The following MLIP variants were observed in gnomAD, a reference collection of about 807,000 sequenced individuals.
MLIP encodes muscular LMNA interacting protein, also known as muscular LMNA-interacting protein.
Under a neutral mutation model 84.8 loss-of-function variants are expected in MLIP, and 79 were observed. The observed-to-expected ratio is 0.93, with a 90% CI of 0.78 to 1.12. MLIP has a LOEUF of 1.12. Among genes scored for constraint, MLIP ranks in the 50% most tolerant of loss-of-function variants. The probability of loss-of-function intolerance (pLI) is 0.00; values close to 1 mark genes in which losing one functional copy is unlikely to be tolerated. For missense variants in MLIP, 1,257 were observed against 1,160.6 expected (o/e 1.08, Z -1.21); for synonymous variants, 504 against 463.0 (o/e 1.09, Z -1.14).
intron 1 of MLIP, among the ~76,000 whole-genome samples, chr6:54,055,493 T>C (rs1332819451): frequency 6.6e-6 from 1 of 152,142 alleles, no homozygotes; most frequent in Non-Finnish European, 1.5e-5. Context: ...GGGCACATAG[T>C]TAATTATTCA....
chr6:54,147,695 A>G (rs979544990), intron 4 of MLIP, among the ~76,000 whole-genome samples: 1 of 151,990 alleles, frequency 6.6e-6, no homozygotes, highest in African/African-American at 2.4e-5. Context: ...GTGTTTCTGA[A>G]TGATTGTGTG....
intron 8 of MLIP, among the ~76,000 whole-genome samples, chr6:54,164,668 T>C (rs887394544): frequency 1.3e-5 from 2 of 151,988 alleles, no homozygotes; most frequent in African/African-American, 2.4e-5. Context: ...TTTTCATGTG[T>C]TCTTATGCTT....
intron 5 of MLIP, among the ~76,000 whole-genome samples, chr6:54,159,023 T>A (rs1774341274): frequency 6.6e-6 from 1 of 152,050 alleles, no homozygotes; most frequent in Admixed American, 6.6e-5. Context: ...TCCAGCTTCC[T>A]GCCTCAGTCT....
At chr6:54,229,375 T>C (rs1322742460) in intron 11 of MLIP, among the ~76,000 whole-genome samples, 2 of 152,346 alleles carry the variant, frequency 1.3e-5, no homozygotes, top group African/African-American at 2.4e-5. Flanking sequence ...TTTCTTCAAC[T>C]TTTAAGTTCC....
chr6:54,240,559 C>G (rs1781667932), intron 12 of MLIP, among the ~76,000 whole-genome samples: 1 of 152,238 alleles, frequency 6.6e-6, no homozygotes. Flanking sequence ...ACATTTCACT[C>G]TCTTCCTGCG....
intron 1 of MLIP, among the ~76,000 whole-genome samples, chr6:54,058,296 C>T (rs1490433655): frequency 6.6e-6 from 1 of 152,080 alleles, no homozygotes; most frequent in Non-Finnish European, 1.5e-5. Flanking sequence ...GTGTTAGATA[C>T]TGGGGTTACA....
intron 1 of MLIP, among the ~76,000 whole-genome samples, chr6:54,057,747 T>C (rs1765743756): frequency 6.6e-6 from 1 of 152,076 alleles, no homozygotes; most frequent in Non-Finnish European, 1.5e-5. Flanking sequence ...ATTGGATTAA[T>C]TTTTTTTCTG....
chr6:54,083,464 A>G, intron 1 of MLIP: 3 of 1,527,466 alleles, frequency 2.0e-6, no homozygotes, highest in Non-Finnish European at 2.6e-6. Flanking sequence ...GCAGCTCATC[A>G]ATATCAGCAG....
chr6:54,155,702 C>G (rs1181731148), intron 5 of MLIP, among the ~76,000 whole-genome samples: 1 of 152,094 alleles, frequency 6.6e-6, no homozygotes, highest in Non-Finnish European at 1.5e-5. Context: ...TACTTTTACA[C>G]AAGGACTTTG....
intron 4 of MLIP, among the ~76,000 whole-genome samples, chr6:54,140,628 TCTC>T (rs1252305239): frequency 6.6e-6 from 1 of 152,206 alleles, no homozygotes; most frequent in African/African-American, 2.4e-5. Context: ...ATGTTTATTT[TCTC>T]CTTGCATCTT....
intron 1 of MLIP, among the ~76,000 whole-genome samples, chr6:54,102,698 AACCATTT>A (rs1291860427): frequency 6.6e-6 from 1 of 152,166 alleles, no homozygotes; most frequent in Non-Finnish European, 1.5e-5. Flanking sequence ...TAAAGCATGC[AACCATTT>A]ACTTAAGAAA....
At position 54,188,162 on chromosome 6, in the gene MLIP, T is replaced by C. The variant is rs183437636; in HGVS notation, c.2545-1708T>C. ...TTGCCATGAATGGAGCCTGCAGGAC[T>C]GGAGGTTTCTCTGGGTGAATCAATG... On this transcript the variant is annotated intron_variant, in intron 9 of 13. Coordinates refer to ENST00000502396, the MANE Select transcript of MLIP (RefSeq NM_001281747.2). Among the ~76,000 whole-genome samples, 217 of 152,322 alleles carry C rather than the reference T, an allele frequency of 1.4e-3. 1 individual carries two copies. The highest frequency in any genetic ancestry group is 5.2e-3 in the African/African-American group (215 of 41,572).
chr6:54,081,474 C>G (rs1212412830), intron 1 of MLIP, among the ~76,000 whole-genome samples: 2 of 152,148 alleles, frequency 1.3e-5, no homozygotes, highest in East Asian at 3.9e-4. Flanking sequence ...ATGGCGCGAT[C>G]TCCGCTCACT....
intron 13 of MLIP, chr6:54,261,552 A>G (rs1223644853): frequency 1.0e-6 from 1 of 982,184 alleles, no homozygotes; most frequent in African/African-American, 1.8e-5. Context: ...CAACATAACA[A>G]TTCTGTTAGC....
intron 1 of MLIP, among the ~76,000 whole-genome samples, chr6:54,099,760 T>A (rs1582139054): frequency 6.6e-6 from 1 of 152,198 alleles, no homozygotes; most frequent in Non-Finnish European, 1.5e-5. Flanking sequence ...TTTATGTTTT[T>A]AGAATTGGTA....
At chr6:54,081,827 A>G (rs1767178800) in intron 1 of MLIP, among the ~76,000 whole-genome samples, 1 of 152,048 alleles carries the variant, frequency 6.6e-6, no homozygotes, top group African/African-American at 2.4e-5. Context: ...ATTGTTCTTT[A>G]TCTTTAAGTA....
chr6:54,136,079 C>T (rs1376877900), intron 3 of MLIP, among the ~76,000 whole-genome samples: 1 of 152,134 alleles, frequency 6.6e-6, no homozygotes, highest in African/African-American at 2.4e-5. Context: ...GTTAAATGTT[C>T]ATTCTGGCAA....
chr6:54,187,916 G>A (rs572776404), intron 9 of MLIP, among the ~76,000 whole-genome samples: 2 of 152,200 alleles, frequency 1.3e-5, no homozygotes, highest in South Asian at 2.1e-4. Context: ...CTGAGCCAGC[G>A]GAATCACTTG....
chr6:54,086,085 C>T (rs1398960666), intron 1 of MLIP, among the ~76,000 whole-genome samples: 1 of 152,168 alleles, frequency 6.6e-6, no homozygotes, highest in Non-Finnish European at 1.5e-5. Context: ...TCTATAAATA[C>T]TCCATATTTT....
Sources: gnomAD v4.1 joint callset for allele counts (sites outside exome capture counted in the v4.1 genomes callset) on GRCh38, gnomAD v4.1.1 for gene constraint, MANE v1.5 for transcripts, NCBI Gene and HGNC (gene_info 2026-07-23, HGNC 2026-07-21) for gene names.